Variants in MXD1 observed in about 807,000 individuals in gnomAD.
The protein encoded by MXD1 is MAX-binding protein.
In MXD1, 9 loss-of-function variants were observed where a neutral mutation model predicts 25.7. The observed-to-expected ratio is 0.35, with a 90% confidence interval of 0.21 to 0.61. The LOEUF (loss-of-function observed/expected upper bound fraction) is 0.61, where lower values mean the gene tolerates loss of function less well. Among genes scored for constraint, MXD1 ranks in the 20% least tolerant of loss-of-function variants. The pLI, the probability that MXD1 is intolerant of heterozygous loss-of-function variation, is 0.75. For missense variants in MXD1, 227 were observed against 292.4 expected (o/e 0.78, Z 1.63); for synonymous variants, 99 against 113.9 (o/e 0.87, Z 0.83).
rs1676945992 is a variant in MXD1 at position 69,915,551 on chromosome 2, G to A, written c.73+148G>A. 1 of 566,234 alleles carries A rather than the reference G, an allele frequency of 1.8e-6. No individual in the cohort carries two copies. The highest frequency in any genetic ancestry group is 2.7e-6 in the Non-Finnish European group (1 of 371,896). 35.1% of individuals were successfully genotyped at this position (566,234 alleles called of 1,614,324 possible). ...AACCCCTCTGGCTCTCCCCACGCGC[G>A]GTCCGAAGGGAAGCCGCCGCTGCCC... On this transcript the variant is annotated intron_variant, in intron 1 of 5. Coordinates refer to ENST00000264444, the MANE Select transcript of MXD1 (RefSeq NM_002357.4). The surrounding 1 kb of genome is among the most constrained non-coding windows in gnomAD (Gnocchi z 5.8).
intron 4 of MXD1, chr2:69,936,927 G>T: frequency 1.9e-6 from 1 of 518,154 alleles, no homozygotes. Flanking sequence ...AGATCAGGTT[G>T]GGGACTGCTG....
At chr2:69,921,710 TC>T (rs1573401150) in intron 2 of MXD1, 25 bp from the exon 3 acceptor site, 1 of 1,600,698 alleles carries the variant, frequency 6.2e-7, no homozygotes, top group Non-Finnish European at 8.5e-7. Flanking sequence ...AATATCTTAT[TC>T]TTCTCTTATT....
Position 69,941,112 on chromosome 2 carries a change from G to A in MXD1, c.*2828G>A, listed in dbSNP as rs937197758. On this transcript the variant is annotated 3_prime_UTR_variant, in exon 6 of 6. Coordinates refer to ENST00000264444, the MANE Select transcript of MXD1 (RefSeq NM_002357.4). ...TAAATACAGATGTGTATAAATATAG[G>A]CACATGCATATTTTTATGTGAAAGT... 1.3e-5 allele frequency: 2 copies of A among 152,068 alleles called. No homozygotes were observed. Among genetic ancestry groups the A allele is most frequent in the Non-Finnish European group, 2.9e-5 (2 of 68,020 alleles). 9.4% of individuals were successfully genotyped at this position (152,068 alleles called of 1,614,324 possible).
chr2:69,933,225 C>A (rs113467765), intron 3 of MXD1, among the ~76,000 whole-genome samples: 3,999 of 108,056 alleles, frequency 0.037, 188 homozygotes, highest in Admixed American at 0.16. Context: ...AAAAAAAAAA[C>A]AAAAAAAGAA....
intron 5 of MXD1, 23 bp downstream of exon 5, chr2:69,937,417 C>G: frequency 6.3e-7 from 1 of 1,576,798 alleles, no homozygotes; most frequent in Non-Finnish European, 8.6e-7. Context: ...CACTCTCCTC[C>G]CTGTCTCCCT....
chr2:69,935,245 A>G (rs1677396153), intron 3 of MXD1, 106 bp from the exon 4 acceptor site: 2 of 751,462 alleles, frequency 2.7e-6, no homozygotes, highest in East Asian at 2.7e-5. Flanking sequence ...AGCATTTGCC[A>G]TCGCAAGGCC....
chr2:69,934,629 A>G (rs1221154665), intron 3 of MXD1, among the ~76,000 whole-genome samples: 3 of 152,218 alleles, frequency 2.0e-5, no homozygotes, highest in Non-Finnish European at 4.4e-5. Context: ...GAGTTTGTCT[A>G]CATACAAGAA....
At chr2:69,930,116 G>A (rs563081126) in intron 3 of MXD1, among the ~76,000 whole-genome samples, 2 of 151,996 alleles carry the variant, frequency 1.3e-5, no homozygotes, top group Non-Finnish European at 2.9e-5. Flanking sequence ...TTTGTTTGGA[G>A]GATTCATATC....
At chr2:69,935,142 A>C (rs1226520724) in intron 3 of MXD1, among the ~76,000 whole-genome samples, 1 of 152,224 alleles carries the variant, frequency 6.6e-6, no homozygotes, top group Admixed American at 6.5e-5. Flanking sequence ...TTATCAATAG[A>C]CTTAGCTTCG....
At position 69,923,543 on chromosome 2, in the gene MXD1, G is replaced by A. The variant is rs542558755; in HGVS notation, c.203+1778G>A. ...AACCCTTCCCAGGCAGGTAGAATCTGGGAAGAGGGCGGTTAGCTTTACTCC... is the reference window on the plus strand; with the variant it reads ...AACCCTTCCCAGGCAGGTAGAATCTAGGAAGAGGGCGGTTAGCTTTACTCC... On this transcript the variant is annotated intron_variant, in intron 3 of 5. Transcript: ENST00000264444. Among the ~76,000 whole-genome samples the A allele has an allele frequency of 8.9e-4, 135 of 151,938 alleles. 3 individuals carry two copies. The highest frequency in any genetic ancestry group is 4.1e-4 in the Non-Finnish European group (28 of 67,992).
At chr2:69,924,769 A>G (rs1677139038) in intron 3 of MXD1, among the ~76,000 whole-genome samples, 1 of 151,936 alleles carries the variant, frequency 6.6e-6, no homozygotes, top group African/African-American at 2.4e-5. Flanking sequence ...AAGGAAGAAG[A>G]AGAAAAGACA....
In MXD1 at chr2:69,915,993, C is replaced by T; in HGVS notation, c.74-128C>T. On this transcript the variant is annotated intron_variant, in intron 1 of 5. Coordinates refer to ENST00000264444, the MANE Select transcript of MXD1 (RefSeq NM_002357.4). The surrounding 1 kb of genome is among the most constrained non-coding windows in gnomAD (Gnocchi z 5.8). The stretch of plus-strand genomic sequence containing the variant: ...TAAATCATTGTTCTCAGAATTCCAC[C>T]TTACTCCATTTAATTATTTCCACAA... The T allele has an allele frequency of 4.4e-6, 3 of 680,460 alleles. No homozygotes were observed. The South Asian group carries it at 5.1e-5, about 12-fold the overall frequency. 42.2% of individuals were successfully genotyped at this position (680,460 alleles called of 1,614,324 possible). A position where few individuals can be genotyped will look rare whatever the true frequency, so the allele number is the denominator to read the frequency against.
At chr2:69,935,788 AT>A (rs1407687850) in intron 4 of MXD1, among the ~76,000 whole-genome samples, 1 of 152,134 alleles carries the variant, frequency 6.6e-6, no homozygotes, top group Admixed American at 6.5e-5. Flanking sequence ...TTCCATCTTC[AT>A]CCCCACTGTC....
chr2:69,924,966 G>A (rs1677142689), intron 3 of MXD1, among the ~76,000 whole-genome samples: 1 of 152,182 alleles, frequency 6.6e-6, no homozygotes, highest in Non-Finnish European at 1.5e-5. Context: ...CCAACACTTT[G>A]AAGTATCTTC....
chr2:69,927,661 A>G (rs1677196728), intron 3 of MXD1, among the ~76,000 whole-genome samples: 1 of 152,170 alleles, frequency 6.6e-6, no homozygotes, highest in South Asian at 2.1e-4. Context: ...TATAATATAT[A>G]TGTTGTATTT....
chr2:69,919,161 A>G (rs1677013899), intron 2 of MXD1, among the ~76,000 whole-genome samples: 1 of 152,162 alleles, frequency 6.6e-6, no homozygotes, highest in Non-Finnish European at 1.5e-5. Context: ...AACTCTATTT[A>G]TTAGTTTATA....
chr2:69,941,532 T>G lies in MXD1; in HGVS notation c.*3248T>G, dbSNP rs1413177310. 1 of 152,240 alleles carries G rather than the reference T, an allele frequency of 6.6e-6. No individual in the cohort carries two copies. Among genetic ancestry groups the G allele is most frequent in the Non-Finnish European group, 1.5e-5 (1 of 68,040 alleles). 9.4% of individuals were successfully genotyped at this position (152,240 alleles called of 1,614,324 possible). The stretch of plus-strand genomic sequence containing the variant: ...TCAGTGTTGATTCAGAACTGAACAT[T>G]AAGTAGGCCCTCGTCCTGCAGTTGG... On this transcript the variant is annotated 3_prime_UTR_variant, in exon 6 of 6. Transcript: ENST00000264444.
chr2:69,922,507 A>G (rs1490371595), intron 3 of MXD1, among the ~76,000 whole-genome samples: 1 of 152,168 alleles, frequency 6.6e-6, no homozygotes, highest in Non-Finnish European at 1.5e-5. Context: ...ATACACATAC[A>G]CTTGTATATT....
rs1254456579 is a variant in MXD1 at position 69,941,960 on chromosome 2, C to CT, written c.*3678dup. ...TATCATTGTCCTTTACAGTCTATTT[C>CT]TTCCCCCAAGTCTTGGTCTTTTTTT... is the stretch of plus-strand genomic sequence containing the variant. On this transcript the variant is annotated 3_prime_UTR_variant, in exon 6 of 6. Transcript: ENST00000264444. 2.0e-5 allele frequency: 3 copies of CT among 152,126 alleles called. No homozygotes were observed. The East Asian group carries it at 5.8e-4, about 29-fold the overall frequency. 9.4% of individuals were successfully genotyped at this position (152,126 alleles called of 1,614,324 possible).
Sources: gnomAD v4.1 joint callset for allele counts (sites outside exome capture counted in the v4.1 genomes callset) on GRCh38, gnomAD v4.1.1 for gene constraint, Gnocchi (gnomAD v3.1) non-coding constraint, MANE v1.5 for transcripts, NCBI Gene and HGNC (gene_info 2026-07-23, HGNC 2026-07-21) for gene names.